The following MTA3 variants were observed in gnomAD, a reference collection of about 807,000 sequenced individuals.
MTA3 encodes the protein metastasis-associated protein MTA3.
MTA3 carries 34 observed loss-of-function variants against 83.5 expected under a neutral mutation model. That is an observed-to-expected ratio of 0.41 (90% CI 0.31 to 0.54). The LOEUF is 0.54. Ranked by LOEUF, MTA3 falls within the 20% of genes least tolerant of loss-of-function variation. The pLI is 0.33. For missense variants in MTA3, 761 were observed against 726.4 expected, an observed-to-expected ratio of 1.05 and a Z score of -0.55; for synonymous variants, 303 against 252.7, an observed-to-expected ratio of 1.20 and a Z score of -1.89.
In MTA3 at chr2:42,561,714, G is replaced by A. The variant is rs563752389; in HGVS notation, c.-140-8723G>A. Reference sequence around the variant, plus strand: ...AGTTAAACATGTTGACTGTTTCAAGGGATTGAGTAGGACTTAGATAAAGTG... The same window carrying A: ...AGTTAAACATGTTGACTGTTTCAAGAGATTGAGTAGGACTTAGATAAAGTG... On this transcript the variant is annotated intron_variant, in intron 2 of 17. Coordinates refer to the MTA3 transcript ENST00000405592. Among the ~76,000 whole-genome samples the A allele has an allele frequency of 3.3e-4, 50 of 152,212 alleles. 1 individual carries two copies. The South Asian group carries it at 9.1e-3, about 28-fold the overall frequency.
chr2:42,704,449 A>AG (rs1665890112), intron 12 of MTA3, 131 bp downstream of exon 12: 1 of 1,033,220 alleles, frequency 9.7e-7, no homozygotes, highest in African/African-American at 1.6e-5. Context: ...CTAAATGAGT[A>AG]GATGCCCCTC....
intron 3 of MTA3, among the ~76,000 whole-genome samples, chr2:42,594,100 C>T (rs1681380740): frequency 6.6e-6 from 1 of 151,880 alleles, no homozygotes; most frequent in African/African-American, 2.4e-5. Flanking sequence ...TACAGGCGCA[C>T]ACCACCATGC....
chr2:42,653,724 T>A (rs1688919475), intron 6 of MTA3, among the ~76,000 whole-genome samples: 1 of 152,242 alleles, frequency 6.6e-6, no homozygotes, highest in Admixed American at 6.5e-5. Flanking sequence ...ACTTCTGCTA[T>A]ATGCTGCAGA....
At chr2:42,724,456 C>G (rs1027870434) in intron 16 of MTA3, among the ~76,000 whole-genome samples, 1 of 151,916 alleles carries the variant, frequency 6.6e-6, no homozygotes, top group Non-Finnish European at 1.5e-5. Flanking sequence ...TCGAGACCAG[C>G]CTGGGCAACA....
At chr2:42,693,111 C>A (rs966159449) in intron 9 of MTA3, among the ~76,000 whole-genome samples, 2 of 152,148 alleles carry the variant, frequency 1.3e-5, no homozygotes, top group Non-Finnish European at 2.9e-5. Context: ...TCTTCCCCTC[C>A]CCCTCCTTCC....
chr2:42,644,024 T>C (rs1249738443), intron 5 of MTA3, 103 bp from the exon 6 acceptor site: 2 of 608,224 alleles, frequency 3.3e-6, no homozygotes, highest in Non-Finnish European at 5.3e-6. Flanking sequence ...AAATTTTATA[T>C]ACTCTCTGGG....
intron 16 of MTA3, among the ~76,000 whole-genome samples, chr2:42,740,376 T>C (rs1668940836): frequency 6.6e-6 from 1 of 152,184 alleles, no homozygotes; most frequent in Admixed American, 6.5e-5. Context: ...CCAGTCATAG[T>C]AGCACATGGC....
At chr2:42,710,256 G>T (rs1156491795) in intron 14 of MTA3, among the ~76,000 whole-genome samples, 2 of 152,106 alleles carry the variant, frequency 1.3e-5, no homozygotes, top group African/African-American at 4.8e-5. Flanking sequence ...AAAATGCTTT[G>T]TAAAGGGAGT....
chr2:42,572,084 T>C (rs1371721044), intron 2 of MTA3, among the ~76,000 whole-genome samples: 2 of 152,000 alleles, frequency 1.3e-5, no homozygotes, highest in Non-Finnish European at 2.9e-5. Context: ...GAGACCATCC[T>C]GGCTAACATA....
intron 2 of MTA3, among the ~76,000 whole-genome samples, chr2:42,552,478 G>T (rs889528614): frequency 3.9e-5 from 6 of 152,084 alleles, no homozygotes; most frequent in Non-Finnish European, 7.4e-5. Context: ...TAGCCCCAGG[G>T]GGTGGTGGCT....
chr2:42,745,372 A>T (rs1445036526), intron 16 of MTA3, among the ~76,000 whole-genome samples: 3 of 152,174 alleles, frequency 2.0e-5, no homozygotes, highest in African/African-American at 7.2e-5. Context: ...AATAGGGCTG[A>T]CCACATTTAA....
chr2:42,579,432 T>A (rs34528599), intron 3 of MTA3, among the ~76,000 whole-genome samples: 4,876 of 148,368 alleles, frequency 0.033, 108 homozygotes, highest in African/African-American at 0.057. Context: ...TATATATATT[T>A]TTTTTTTTTT....
chr2:42,615,299 C>T (rs1245173703), intron 4 of MTA3, among the ~76,000 whole-genome samples: 1 of 150,318 alleles, frequency 6.7e-6, no homozygotes, highest in African/African-American at 2.4e-5. Flanking sequence ...AACACTGTAT[C>T]CAATAGCCAT....
intron 4 of MTA3, among the ~76,000 whole-genome samples, chr2:42,629,614 T>A (rs183882592): frequency 4.6e-5 from 7 of 152,050 alleles, no homozygotes; most frequent in Non-Finnish European, 8.8e-5. Context: ...GAATTTGCAG[T>A]TGGGGTTTTT....
chr2:42,628,010 A>G (rs535819368), intron 4 of MTA3, among the ~76,000 whole-genome samples: 13 of 151,118 alleles, frequency 8.6e-5, no homozygotes, highest in African/African-American at 3.2e-4. Context: ...TCAGCCTCCT[A>G]AGTAGGTGGG....
At chr2:42,699,140 C>A (rs182255384) in intron 11 of MTA3, among the ~76,000 whole-genome samples, 3 of 152,190 alleles carry the variant, frequency 2.0e-5, no homozygotes, top group Non-Finnish European at 4.4e-5. Context: ...CAGGGATCAA[C>A]AAACTATAGT....
rs1179800508 is a variant in MTA3 at position 42,540,678 on chromosome 2, T to A, written c.-140-29759T>A. ...AGTAAGACCTTGTCTCTACAAAAAA[T>A]TTAAAAATTAGCCAGGCATGGTGGT... On this transcript the variant is annotated intron_variant, in intron 2 of 17. Transcript: ENST00000405592. Among the ~76,000 whole-genome samples the A allele has an allele frequency of 2.0e-5, 3 of 151,342 alleles. No homozygotes were observed. In the East Asian group the frequency reaches 6.1e-4, roughly 31 times the overall value.
rs1388575597 is a variant in MTA3, at chr2:42,753,733, GGCA to G, written c.*336_*338del. The G allele has an allele frequency of 3.4e-6, 4 of 1,164,580 alleles. No homozygotes were observed. In the East Asian group the frequency reaches 1.6e-4, roughly 48 times the overall value. 72.1% of individuals were successfully genotyped at this position (1,164,580 alleles called of 1,614,324 possible). ...CCCCACCCAGCAACAGCGGCCACTT[GGCA>G]GTGGGGCTGCTGCAAGCTCAGAGCC... On this transcript the variant is annotated 3_prime_UTR_variant, in exon 17 of 17. Transcript: ENST00000405094.
chr2:42,642,226 AT>A (rs1687759158), intron 5 of MTA3, among the ~76,000 whole-genome samples: 1 of 152,148 alleles, frequency 6.6e-6, no homozygotes, highest in Non-Finnish European at 1.5e-5. Context: ...AAATCTAAGG[AT>A]TTTAAGCAAC....
Sources: allele counts gnomAD v4.1 joint callset (sites outside exome capture counted in the v4.1 genomes callset), GRCh38; gene constraint gnomAD v4.1.1; transcripts MANE v1.5; gene names NCBI Gene and HGNC (gene_info 2026-07-23, HGNC 2026-07-21).